The following DOCK1 variants were observed in gnomAD, a reference collection of about 807,000 sequenced individuals.
The protein encoded by DOCK1 is dedicator of cytokinesis 1.
In DOCK1, 138 loss-of-function variants were observed where a neutral mutation model predicts 262.7. The observed-to-expected ratio is 0.53, with a 90% CI of 0.46 to 0.61. DOCK1 has a LOEUF of 0.61. DOCK1 is among the 20% of genes least tolerant of loss of function. DOCK1 has a pLI of 0.00. For missense variants in DOCK1, 1,908 were observed against 2,370.7 expected, an observed-to-expected ratio of 0.80 and a Z score of 4.05; for synonymous variants, 866 against 867.4, an observed-to-expected ratio of 1.00 and a Z score of 0.03.
chr10:127,387,001 C>T (rs921560444), intron 38 of DOCK1, among the ~76,000 whole-genome samples: 2 of 151,640 alleles, frequency 1.3e-5, no homozygotes, highest in African/African-American at 4.9e-5. Context: ...GCAGTGGCTT[C>T]TTGGCTCCAG....
At chr10:127,149,073 T>A (rs1044249679) in intron 27 of DOCK1, among the ~76,000 whole-genome samples, 3 of 152,008 alleles carry the variant, frequency 2.0e-5, no homozygotes, top group East Asian at 1.9e-4. Context: ...GGGAGAGGTG[T>A]TTTTCAGCTG....
chr10:127,200,693 TGC>T (rs1275975928), intron 27 of DOCK1, among the ~76,000 whole-genome samples: 1 of 152,200 alleles, frequency 6.6e-6, no homozygotes, highest in Non-Finnish European at 1.5e-5. Context: ...CGTGAGCCAC[TGC>T]GCCCGATATT....
chr10:127,202,496 C>G (rs983848543), intron 27 of DOCK1, among the ~76,000 whole-genome samples: 1 of 152,116 alleles, frequency 6.6e-6, no homozygotes, highest in Non-Finnish European at 1.5e-5. Flanking sequence ...GGCCTGCAGT[C>G]TTCTCCCAGC....
chr10:127,135,965 T>C (rs2050655582), intron 27 of DOCK1: 1 of 152,678 alleles, frequency 6.5e-6, no homozygotes, highest in Non-Finnish European at 1.5e-5. Context: ...TTTAAATATT[T>C]AGTCTACGTG....
At chr10:127,265,642 C>T (rs1043123890) in intron 29 of DOCK1, among the ~76,000 whole-genome samples, 3 of 152,242 alleles carry the variant, frequency 2.0e-5, no homozygotes, top group African/African-American at 7.2e-5. Flanking sequence ...CTCATAATCA[C>T]ATGCAGCTCC....
At chr10:127,042,567 G>A in intron 19 of DOCK1, 58 bp from the exon 20 acceptor site, 1 of 1,439,066 alleles carries the variant, frequency 6.9e-7, no homozygotes, top group East Asian at 2.3e-5. Flanking sequence ...AGTTATTCCA[G>A]TGTGTGGGGG....
At chr10:127,292,801 T>C (rs1386233144) in intron 29 of DOCK1, among the ~76,000 whole-genome samples, 3 of 152,154 alleles carry the variant, frequency 2.0e-5, no homozygotes, top group Non-Finnish European at 4.4e-5. Flanking sequence ...TGTTTTGTGC[T>C]TCCCGAGGAA....
chr10:127,362,986 T>TC (rs150863826), intron 33 of DOCK1, among the ~76,000 whole-genome samples: 1 of 5,208 alleles, frequency 1.9e-4, no homozygotes, highest in African/African-American at 1.0e-3. Context: ...CACATACACA[T>TC]CCCCCCCCAC....
intron 29 of DOCK1, among the ~76,000 whole-genome samples, chr10:127,276,967 A>G (rs527988722): frequency 6.6e-6 from 1 of 152,130 alleles, no homozygotes; most frequent in Non-Finnish European, 1.5e-5. Context: ...CTAATAGACT[A>G]GATGCATCTT....
chr10:127,230,865 A>G (rs1282009953), intron 27 of DOCK1, among the ~76,000 whole-genome samples: 1 of 152,032 alleles, frequency 6.6e-6, no homozygotes, highest in Non-Finnish European at 1.5e-5. Flanking sequence ...GGAATTTTGA[A>G]TAGGACTTGC....
chr10:127,130,939 G>T (rs1187160204), intron 27 of DOCK1, among the ~76,000 whole-genome samples: 1 of 152,174 alleles, frequency 6.6e-6, no homozygotes, highest in Non-Finnish European at 1.5e-5. Flanking sequence ...GGAGACAGCT[G>T]TTCAGGGAAA....
chr10:127,086,954 C>T (rs1266320794), intron 23 of DOCK1, among the ~76,000 whole-genome samples: 1 of 152,144 alleles, frequency 6.6e-6, no homozygotes, highest in Non-Finnish European at 1.5e-5. Context: ...CAAAACTTGA[C>T]ATTTTCTCAT....
At chr10:127,444,399 T>G in intron 50 of DOCK1, 120 bp downstream of exon 50, 1 of 1,278,004 alleles carries the variant, frequency 7.8e-7, no homozygotes, top group Non-Finnish European at 1.1e-6. Flanking sequence ...GGAGTTTAGA[T>G]AAACACCTGG....
chr10:127,436,872 A>C (rs1355067294), intron 48 of DOCK1, among the ~76,000 whole-genome samples: 2 of 152,058 alleles, frequency 1.3e-5, no homozygotes, highest in Non-Finnish European at 2.9e-5. Flanking sequence ...GGCAAAATCC[A>C]AATAAGGTTC....
intron 31 of DOCK1, 145 bp from the exon 32 acceptor site, chr10:127,354,524 T>C (rs2064041545): frequency 2.4e-6 from 2 of 836,572 alleles, no homozygotes; most frequent in African/African-American, 3.4e-5. Context: ...TTGATTCATT[T>C]TGGTGGCAAG....
intron 13 of DOCK1, among the ~76,000 whole-genome samples, chr10:127,021,182 G>T (rs150731985): frequency 6.6e-6 from 1 of 152,272 alleles, no homozygotes; most frequent in Non-Finnish European, 1.5e-5. Flanking sequence ...TTGGGAGTGA[G>T]GCTGTGGGAG....
intron 33 of DOCK1, among the ~76,000 whole-genome samples, chr10:127,367,946 T>A (rs2065014269): frequency 6.6e-6 from 1 of 152,178 alleles, no homozygotes; most frequent in Non-Finnish European, 1.5e-5. Context: ...ACTGCAGCCA[T>A]GCCCCTGGGG....
At chr10:127,280,009 C>CATATATATATATATATATATATAT (rs10525314) in intron 29 of DOCK1, among the ~76,000 whole-genome samples, 1 of 114,338 alleles carries the variant, frequency 8.7e-6, no homozygotes, top group African/African-American at 3.5e-5. Flanking sequence ...AATTTTATTT[C>CATATATATATATATATATATATAT]ATATATATAT....
chr10:126,926,817 A>G (rs1441046655), intron 1 of DOCK1, among the ~76,000 whole-genome samples: 1 of 151,980 alleles, frequency 6.6e-6, no homozygotes, highest in Non-Finnish European at 1.5e-5. Flanking sequence ...GCAAGGAGGA[A>G]GTCTCCCCCA....
Sources: gnomAD v4.1 joint callset for allele counts (sites outside exome capture counted in the v4.1 genomes callset) on GRCh38, gnomAD v4.1.1 for gene constraint, MANE v1.5 for transcripts, NCBI Gene and HGNC (gene_info 2026-07-23, HGNC 2026-07-21) for gene names.